The following DGKH variants were observed in gnomAD, a reference collection of about 807,000 sequenced individuals.
DGKH encodes DAG kinase eta.
In DGKH, 90 loss-of-function variants were observed where a neutral mutation model predicts 159.3. That is an observed-to-expected ratio of 0.57 (90% confidence interval 0.48 to 0.67). The LOEUF (loss-of-function observed/expected upper bound fraction) is 0.67, where lower values mean the gene tolerates loss of function less well. DGKH is among the 30% of genes least tolerant of loss of function. DGKH has a pLI of 0.00. For synonymous variants in DGKH, 536 were observed against 553.8 expected (o/e 0.97, Z 0.45); for missense variants, 1,181 against 1,506.1 (o/e 0.78, Z 3.57).
At position 42,241,797 on chromosome 13, in the gene DGKH, C is replaced by T. The variant is rs550778032; in HGVS notation, c.*12609C>T. On this transcript the variant is annotated 3_prime_UTR_variant, in exon 30 of 30. Coordinates refer to ENST00000337343, the MANE Select transcript of DGKH (RefSeq NM_178009.5). Reference sequence around the variant, plus strand: ...AAGCATATAGTAAATATTACTAGTACTTGTGTGCCATGAGGCACTAATACA... The same window carrying T: ...AAGCATATAGTAAATATTACTAGTATTTGTGTGCCATGAGGCACTAATACA... 1.2e-4 allele frequency: 19 copies of T among 152,266 alleles called. No individual in the cohort carries two copies. Among genetic ancestry groups the T allele is most frequent in the African/African-American group, 4.3e-4 (18 of 41,568 alleles). 9.4% of individuals were successfully genotyped at this position (152,266 alleles called of 1,614,324 possible).
At chr13:42,107,530 C>A (rs1411121213) in intron 1 of DGKH, among the ~76,000 whole-genome samples, 2 of 152,202 alleles carry the variant, frequency 1.3e-5, no homozygotes, top group African/African-American at 4.8e-5. Flanking sequence ...CTTAAGGAAA[C>A]AATTCTGGAG....
intron 3 of DGKH, among the ~76,000 whole-genome samples, chr13:42,130,941 C>T (rs1955276430): frequency 6.6e-6 from 1 of 151,696 alleles, no homozygotes; most frequent in South Asian, 2.1e-4. Flanking sequence ...AATCAGGAGT[C>T]AGTGATGTTA....
chr13:42,127,542 G>C lies in DGKH; in HGVS notation c.272G>C (p.Gly91Ala), dbSNP rs769146516. 3.1e-6 allele frequency: 5 copies of C among 1,613,704 alleles called. No individual in the cohort carries two copies. The highest frequency in any genetic ancestry group is 1.7e-6 in the Non-Finnish European group (2 of 1,179,778). Residue 91 changes from glycine (G) to alanine (A), a missense_variant, in exon 2 of 30, where the codon GGC (glycine) becomes GCC (alanine). Physicochemically the swap from Gly to Ala is moderately conservative, Grantham distance 60. This residue lies in a region of DGKH where 136 missense variants were observed against 132.2 expected (regional missense o/e 1.03). Coordinates refer to ENST00000337343, the MANE Select transcript of DGKH (RefSeq NM_178009.5). ...RWKKRYFKLR[G>A]RTLYYAKDSK... ...AAAAAGCGATACTTCAAACTTCGAG[G>C]CCGCACCCTTTACTATGCAAAGGAC...
intron 24 of DGKH, 135 bp from the exon 25 acceptor site, chr13:42,214,372 C>T (rs1443631600): frequency 4.7e-6 from 3 of 633,032 alleles, no homozygotes; most frequent in Non-Finnish European, 7.5e-6. Flanking sequence ...CATAATTGAG[C>T]AGCCATTAAA....
rs764905747 is a variant in DGKH at position 42,215,580 on chromosome 13, T to C, written c.3126T>C (p.Leu1042=). The change falls in exon 26 of 30, where the codon CTT becomes CTC. Residue 1042 remains leucine (L), a synonymous_variant. Coordinates refer to ENST00000337343, the MANE Select transcript of DGKH (RefSeq NM_178009.5). The part of the protein sequence containing the change: ...NKANPRCPES[L]TRDTATEIAI... ...TTGATATTCTTCTTTTCTAGAGTCTTACAAGAGACACTGCCACTGAAATAG... is the reference window on the plus strand; with the variant it reads ...TTGATATTCTTCTTTTCTAGAGTCTCACAAGAGACACTGCCACTGAAATAG... The C allele has an allele frequency of 7.5e-6, 12 of 1,609,250 alleles. No homozygotes were observed. Among genetic ancestry groups the C allele is most frequent in the East Asian group, 2.2e-5 (1 of 44,852 alleles).
Position 42,209,054 on chromosome 13 carries a change from G to T in DGKH, c.2697G>T (p.Gln899His). The stretch of plus-strand genomic sequence containing the variant: ...CAGTTTCAAGGGTCATTAAACTGCA[G>T]CATCATCGAATAGCCCAGGTTGGTT... The part of the protein sequence containing the change: ...QMAVSRVIKL[Q>H]HHRIAQCRTV... The change falls in exon 22 of 30, where the codon CAG (glutamine) becomes CAT (histidine). Residue 899 changes from glutamine to histidine, a missense_variant. Physicochemically the swap from Gln to His is conservative, Grantham distance 24. Around this residue, in one of 5 missense-constraint regions of DGKH, gnomAD observed 335 missense variants for 495.2 expected, o/e 0.68. Coordinates refer to ENST00000337343, the MANE Select transcript of DGKH (RefSeq NM_178009.5). The T allele has an allele frequency of 6.2e-7, 1 of 1,610,632 alleles. No individual in the cohort carries two copies. The highest frequency in any genetic ancestry group is 8.5e-7 in the Non-Finnish European group (1 of 1,178,434).
In DGKH at chr13:42,124,995, G is replaced by GTGCA. The variant is rs551446522; in HGVS notation, c.193-2467_193-2464dup. Among the ~76,000 whole-genome samples the GTGCA allele has an allele frequency of 4.1e-3, 627 of 152,268 alleles. 17 individuals are homozygous for GTGCA. The highest frequency in any genetic ancestry group is 1.2e-3 in the Non-Finnish European group (85 of 68,004). ...TCCGACAGCTATAATTGGTTTAGATGTGCAGCTAGACCCTCCCCTAGTCTA... is the reference window on the plus strand; with the variant it reads ...TCCGACAGCTATAATTGGTTTAGATGTGCATGCAGCTAGACCCTCCCCTAGTCTA... On this transcript the variant is annotated intron_variant, in intron 1 of 29. Coordinates refer to ENST00000337343, the MANE Select transcript of DGKH (RefSeq NM_178009.5).
At chr13:42,116,172 A>G (rs555131281) in intron 1 of DGKH, among the ~76,000 whole-genome samples, 1 of 152,326 alleles carries the variant, frequency 6.6e-6, no homozygotes, top group South Asian at 2.1e-4. Context: ...ACCATTAAAG[A>G]TAGTCAGATA....
chr13:42,193,301 C>T (rs1022092104), intron 16 of DGKH, among the ~76,000 whole-genome samples: 4 of 152,210 alleles, frequency 2.6e-5, no homozygotes, highest in South Asian at 2.1e-4. Context: ...TTGACACTTC[C>T]GTTGTGGCCT....
intron 7 of DGKH, among the ~76,000 whole-genome samples, chr13:42,161,051 T>C (rs1364757327): frequency 6.6e-6 from 1 of 152,246 alleles, no homozygotes; most frequent in African/African-American, 2.4e-5. Context: ...CCTCTTTTAC[T>C]AGCCTTAGAT....
At chr13:42,133,257 A>C (rs1955329613) in intron 3 of DGKH, among the ~76,000 whole-genome samples, 1 of 151,624 alleles carries the variant, frequency 6.6e-6, no homozygotes, top group South Asian at 2.1e-4. Flanking sequence ...TTTTAATCTT[A>C]TGGTGCCTTA....
At chr13:42,202,894 A>G (rs1957381747) in intron 20 of DGKH, among the ~76,000 whole-genome samples, 1 of 152,156 alleles carries the variant, frequency 6.6e-6, no homozygotes, top group Middle Eastern at 3.2e-3. Context: ...GGTTAAGGAG[A>G]CTGTTCTATT....
rs937848280 is a variant in DGKH, at chr13:42,256,486, AC to A, written n.4331del. On this transcript the variant is annotated non_coding_transcript_exon_variant, in exon 31 of 31. Transcript: ENST00000498255. ...TTGAACTTGGCTATCTCACACCAGA[AC>A]AGTTTGATGAACAGGTAAAAACTAA... The A allele has an allele frequency of 6.0e-6, 7 of 1,175,682 alleles. No individual in the cohort carries two copies. In the African/African-American group the frequency reaches 1.1e-4, roughly 18 times the overall value. The allele number at this position is 1,175,682 out of a possible 1,614,324, so 72.8% of individuals were successfully genotyped here. A position where few individuals can be genotyped will look rare whatever the true frequency, so the allele number is the denominator to read the frequency against.
intron 3 of DGKH, among the ~76,000 whole-genome samples, chr13:42,131,520 G>C (rs1047866312): frequency 6.6e-6 from 1 of 152,164 alleles, no homozygotes; most frequent in African/African-American, 2.4e-5. Flanking sequence ...CATTGAAATT[G>C]AAGGATAAGG....
At chr13:42,083,499 G>T (rs1954247229) in intron 1 of DGKH, among the ~76,000 whole-genome samples, 1 of 152,200 alleles carries the variant, frequency 6.6e-6, no homozygotes, top group African/African-American at 2.4e-5. Context: ...TTACTATTTG[G>T]TAATGCAGGA....
chr13:42,143,162 G>A (rs1566126111), intron 3 of DGKH, among the ~76,000 whole-genome samples: 3 of 152,100 alleles, frequency 2.0e-5, no homozygotes, highest in African/African-American at 7.2e-5. Context: ...TAATCATATG[G>A]TTTTTGTTGT....
upstream of DGKH, among the ~76,000 whole-genome samples, chr13:42,044,908 GA>G (rs1880718839): frequency 6.6e-6 from 1 of 152,174 alleles, no homozygotes; most frequent in East Asian, 1.9e-4. Flanking sequence ...TTACTGGGGG[GA>G]AAATAGGTAG....
At chr13:42,093,883 G>C (rs1340294047) in intron 1 of DGKH, among the ~76,000 whole-genome samples, 23 of 152,018 alleles carry the variant, frequency 1.5e-4, no homozygotes, top group Admixed American at 1.4e-3. Context: ...TTGTTCCATG[G>C]GTGTAGAGTT....
chr13:42,072,785 C>G (rs1463339383), intron 1 of DGKH, among the ~76,000 whole-genome samples: 1 of 152,052 alleles, frequency 6.6e-6, no homozygotes, highest in Non-Finnish European at 1.5e-5. Context: ...ATAAAAGTCC[C>G]TCCCTCACCT....
Sources: gnomAD v4.1 joint callset for allele counts (sites outside exome capture counted in the v4.1 genomes callset) on GRCh38, gnomAD v4.1.1 for gene constraint, gnomAD v4.1.1 regional missense constraint, MANE v1.5 for transcripts, NCBI Gene and HGNC (gene_info 2026-07-23, HGNC 2026-07-21) for gene names.